CAB39: variants seen among roughly 807,000 people sequenced by gnomAD.
CAB39 encodes calcium binding protein 39.
In CAB39, 8 loss-of-function variants were observed where a neutral mutation model predicts 40.0. The ratio of observed to expected loss-of-function variants is 0.20; its 90% CI spans 0.12 to 0.36. CAB39 has a LOEUF of 0.36. CAB39 is among the 10% of genes least tolerant of loss of function. CAB39 has a pLI of 1.00. For missense variants in CAB39, 270 were observed against 401.1 expected (o/e 0.67, Z 2.79); for synonymous variants, 156 against 141.6 (o/e 1.10, Z -0.72).
intron 1 of CAB39, among the ~76,000 whole-genome samples, chr2:230,758,129 C>G (rs1695225366): frequency 6.6e-6 from 1 of 152,014 alleles, no homozygotes; most frequent in Admixed American, 6.6e-5. Context: ...GAAAACCCAT[C>G]TCTACTAAAA....
intron 1 of CAB39, among the ~76,000 whole-genome samples, chr2:230,750,243 G>A (rs893874356): frequency 1.3e-5 from 2 of 152,178 alleles, no homozygotes; most frequent in East Asian, 1.9e-4. Context: ...TGATTAGGTC[G>A]TTAAGAGGGA....
At chr2:230,737,603 A>G (rs764852530) in intron 1 of CAB39, among the ~76,000 whole-genome samples, 2 of 152,236 alleles carry the variant, frequency 1.3e-5, no homozygotes, top group African/African-American at 2.4e-5. Flanking sequence ...TAGTCCTCAC[A>G]TTAACTTGTG....
intron 2 of CAB39, among the ~76,000 whole-genome samples, chr2:230,779,813 G>C (rs1468965376): frequency 6.6e-6 from 1 of 152,212 alleles, no homozygotes; most frequent in East Asian, 1.9e-4. Flanking sequence ...CATCAGAGGA[G>C]GAGAGAGTCA....
At chr2:230,748,576 C>G (rs963887533) in intron 1 of CAB39, among the ~76,000 whole-genome samples, 2 of 151,684 alleles carry the variant, frequency 1.3e-5, no homozygotes, top group African/African-American at 4.8e-5. Flanking sequence ...GAGACCAAGG[C>G]GGGTCAATCA....
At chr2:230,735,058 C>T (rs918256625) in intron 1 of CAB39, among the ~76,000 whole-genome samples, 3 of 152,110 alleles carry the variant, frequency 2.0e-5, no homozygotes, top group African/African-American at 7.2e-5. Context: ...CTTTGCTGGT[C>T]GCCTGCCCTG....
intron 3 of CAB39, among the ~76,000 whole-genome samples, chr2:230,792,689 A>G (rs2124959237): frequency 6.6e-6 from 1 of 152,340 alleles, no homozygotes; most frequent in South Asian, 2.1e-4. Flanking sequence ...TCTTCCCTAA[A>G]CAGGCCTAGT....
chr2:230,813,800 A>G (rs1432948340), intron 6 of CAB39, among the ~76,000 whole-genome samples: 1 of 151,910 alleles, frequency 6.6e-6, no homozygotes, highest in African/African-American at 2.4e-5. Context: ...GGAACTGGGA[A>G]GGGGCTCAGT....
At chr2:230,806,257 A>G (rs1478374131) in intron 5 of CAB39, among the ~76,000 whole-genome samples, 1 of 152,156 alleles carries the variant, frequency 6.6e-6, no homozygotes. Context: ...CAGACAATAA[A>G]TGGGGAAGTC....
chr2:230,765,811 G>A (rs144347028), intron 2 of CAB39, among the ~76,000 whole-genome samples: 2 of 152,142 alleles, frequency 1.3e-5, no homozygotes, highest in African/African-American at 4.8e-5. Context: ...ACAACAAAGG[G>A]TTATCTAGCC....
intron 1 of CAB39, among the ~76,000 whole-genome samples, chr2:230,734,771 A>C (rs1224938587): frequency 6.7e-6 from 1 of 148,930 alleles, no homozygotes; most frequent in African/African-American, 2.6e-5. Flanking sequence ...GAGTCTAAAG[A>C]GCTGGCCCAC....
chr2:230,804,774 T>C (rs1233373475), intron 5 of CAB39, among the ~76,000 whole-genome samples: 1 of 152,004 alleles, frequency 6.6e-6, no homozygotes, highest in African/African-American at 2.4e-5. Context: ...TGTGGAGAAA[T>C]AGGGACACTT....
intron 2 of CAB39, among the ~76,000 whole-genome samples, chr2:230,769,850 C>T (rs1043758182): frequency 2.0e-5 from 3 of 150,672 alleles, no homozygotes; most frequent in South Asian, 2.1e-4. Flanking sequence ...GGCCGGGACT[C>T]GGGAGGCTGA....
intron 1 of CAB39, chr2:230,714,192 A>G (rs562949931): frequency 6.6e-6 from 1 of 152,348 alleles, no homozygotes; most frequent in East Asian, 1.9e-4. Context: ...TGAATGCTGT[A>G]GAGGAGCTAT....
At chr2:230,810,581 T>C (rs1043694664) in intron 6 of CAB39, among the ~76,000 whole-genome samples, 10 of 152,250 alleles carry the variant, frequency 6.6e-5, no homozygotes, top group Admixed American at 5.2e-4. Context: ...GCTAAAATGA[T>C]AGTAAAGATA....
intron 1 of CAB39, chr2:230,713,500 C>G (rs1694290398): frequency 6.6e-6 from 1 of 152,602 alleles, no homozygotes; most frequent in Non-Finnish European, 1.5e-5. Flanking sequence ...CTGCCTCTCC[C>G]CCCGTGGTTC....
intron 2 of CAB39, among the ~76,000 whole-genome samples, chr2:230,779,874 A>G (rs2124942747): frequency 6.6e-6 from 1 of 152,314 alleles, no homozygotes; most frequent in South Asian, 2.1e-4. Flanking sequence ...GAGTGGAAAG[A>G]AGGAGTGTGA....
chr2:230,814,995 C>T (rs1356893770), intron 7 of CAB39, among the ~76,000 whole-genome samples: 3 of 152,144 alleles, frequency 2.0e-5, no homozygotes, highest in Non-Finnish European at 2.9e-5. Flanking sequence ...GTGTCTGGAC[C>T]GATAATGACC....
chr2:230,806,463 A>G (rs58483688), intron 5 of CAB39, among the ~76,000 whole-genome samples: 24,999 of 152,168 alleles, frequency 0.16, 2,361 homozygotes, highest in African/African-American at 0.23. Flanking sequence ...AATGTGTTCC[A>G]TTCCAGGCGC....
intron 2 of CAB39, among the ~76,000 whole-genome samples, chr2:230,761,901 TTG>T (rs1695299439): frequency 6.6e-6 from 1 of 150,596 alleles, no homozygotes; most frequent in African/African-American, 2.4e-5. Flanking sequence ...GTTGTTGTTG[TTG>T]TTGTTGTTGT....
Sources: allele counts gnomAD v4.1 joint callset (sites outside exome capture counted in the v4.1 genomes callset), GRCh38; gene constraint gnomAD v4.1.1; transcripts MANE v1.5; gene names NCBI Gene and HGNC (gene_info 2026-07-23, HGNC 2026-07-21).